The following GTF2IRD1 variants were observed in gnomAD, a reference collection of about 807,000 sequenced individuals.
GTF2IRD1 encodes GTF2I repeat domain containing 1.
Under a neutral mutation model 113.2 loss-of-function variants are expected in GTF2IRD1, and 26 were observed. That is an observed-to-expected ratio of 0.23 (90% CI 0.17 to 0.32). The LOEUF (loss-of-function observed/expected upper bound fraction) is 0.32. Among genes scored for constraint, GTF2IRD1 ranks in the 10% least tolerant of loss-of-function variants. The pLI is 1.00. For synonymous variants in GTF2IRD1, 484 were observed against 529.1 expected, an observed-to-expected ratio of 0.91 and a Z score of 1.17; for missense variants, 864 against 1,280.8, an observed-to-expected ratio of 0.67 and a Z score of 4.97.
chr7:74,462,718 A>C (rs1584448190), intron 1 of GTF2IRD1, among the ~76,000 whole-genome samples: 1 of 151,074 alleles, frequency 6.6e-6, no homozygotes, highest in African/African-American at 2.4e-5. Flanking sequence ...ATCACTACCC[A>C]CCCCCCACAT....
chr7:74,469,502 C>T (rs1463089505), intron 1 of GTF2IRD1, among the ~76,000 whole-genome samples: 8 of 151,966 alleles, frequency 5.3e-5, no homozygotes, highest in Admixed American at 1.3e-4. Flanking sequence ...CTATTCTGGG[C>T]GTTTCTTGTA....
chr7:74,566,664 G>A (rs1800339633), intron 22 of GTF2IRD1, among the ~76,000 whole-genome samples: 1 of 152,138 alleles, frequency 6.6e-6, no homozygotes, highest in Admixed American at 6.6e-5. Context: ...CGATTTGCCG[G>A]TTACAAAGCC....
At position 74,558,880 on chromosome 7, in the gene GTF2IRD1, G is replaced by C; in HGVS notation, c.2127G>C (p.Lys709Asn). 2 of 1,613,346 alleles carry C rather than the reference G, an allele frequency of 1.2e-6. No homozygotes were observed. Among genetic ancestry groups the C allele is most frequent in the Non-Finnish European group, 1.7e-6 (2 of 1,179,624 alleles). Residue 709 changes from lysine (K) to asparagine (N), a missense_variant, in exon 21 of 27, where the codon AAG becomes AAC. By Grantham distance (94) the Lys-to-Asn change is moderately conservative. This residue lies in a region of GTF2IRD1 where 195 missense variants were observed against 359.1 expected (regional missense o/e 0.54). Transcript: ENST00000424337. ...CCACAGGGGAAGCCTTGGGCATCAA[G>C]TACCCGGTCCAGGTCCCCTACAAGC... Reference protein sequence around the residue: ...NKKYGEALGIKYPVQVPYKRI... With the variant: ...NKKYGEALGINYPVQVPYKRI...
intron 1 of GTF2IRD1, among the ~76,000 whole-genome samples, chr7:74,499,020 G>T (rs1440858306): frequency 6.6e-6 from 1 of 152,170 alleles, no homozygotes; most frequent in Non-Finnish European, 1.5e-5. Flanking sequence ...ATGAGCCATC[G>T]CACCCAGCCT....
At chr7:74,535,082 G>C (rs782816632) in intron 9 of GTF2IRD1, 31 bp from the exon 10 acceptor site, 6 of 1,608,286 alleles carry the variant, frequency 3.7e-6, no homozygotes, top group Non-Finnish European at 5.1e-6. Context: ...AGCCTGCACT[G>C]TTCTCATGCC....
At chr7:74,496,580 ATGTGTGTGGG>A in intron 1 of GTF2IRD1, among the ~76,000 whole-genome samples, 1 of 93,380 alleles carries the variant, frequency 1.1e-5, no homozygotes, top group Non-Finnish European at 2.2e-5. Context: ...GTGGGTGTGC[ATGTGTGTGGG>A]TGGGTGTGGG....
At chr7:74,537,245 A>G (rs1402977326) in intron 11 of GTF2IRD1, among the ~76,000 whole-genome samples, 1 of 152,132 alleles carries the variant, frequency 6.6e-6, no homozygotes, top group Non-Finnish European at 1.5e-5. Flanking sequence ...CCCCGTCTCT[A>G]CTAAAAATAC....
chr7:74,600,879 T>G, intron 25 of GTF2IRD1, 165 bp from the exon 26 acceptor site: 1 of 673,150 alleles, frequency 1.5e-6, no homozygotes, highest in Admixed American at 2.8e-5. Flanking sequence ...AGGCTGGACA[T>G]GTGGGCTCTG....
chr7:74,596,898 G>C (rs1802450277), intron 25 of GTF2IRD1, among the ~76,000 whole-genome samples: 1 of 151,782 alleles, frequency 6.6e-6, no homozygotes, highest in Non-Finnish European at 1.5e-5. Flanking sequence ...GGACCAAAAA[G>C]GTTTTTCTAA....
At chr7:74,519,947 G>A (rs1554345567) in intron 6 of GTF2IRD1, among the ~76,000 whole-genome samples, 1 of 151,848 alleles carries the variant, frequency 6.6e-6, no homozygotes, top group East Asian at 1.9e-4. Flanking sequence ...TGGACTAAGA[G>A]GACGCCTGCG....
At position 74,538,132 on chromosome 7, in the gene GTF2IRD1, AC is replaced by A. The variant is rs782708565; in HGVS notation, c.1410-3del. 1.9e-6 allele frequency: 3 copies of A among 1,611,868 alleles called. No individual in the cohort carries two copies. The highest frequency in any genetic ancestry group is 2.5e-6 in the Non-Finnish European group (3 of 1,179,550). On this transcript the variant is annotated splice_polypyrimidine_tract_variant and splice_region_variant and intron_variant, in intron 11 of 26. Transcript: ENST00000424337. ...CAGGTGTCATTTCCTGCTTCCCTTC[AC>A]AGGTCAGACAAGGGCAGCATGTCTG...
intron 22 of GTF2IRD1, among the ~76,000 whole-genome samples, chr7:74,577,128 C>T (rs1801122439): frequency 6.6e-6 from 1 of 151,102 alleles, no homozygotes; most frequent in Non-Finnish European, 1.5e-5. Context: ...AGCTCTGCCT[C>T]CTGAGTTCAA....
intron 5 of GTF2IRD1, among the ~76,000 whole-genome samples, chr7:74,518,639 G>T: frequency 6.6e-6 from 1 of 152,142 alleles, no homozygotes; most frequent in East Asian, 1.9e-4. Context: ...CAGCACTTTG[G>T]GAGGCTGAGG....
chr7:74,514,652 G>A (rs1413011683), intron 3 of GTF2IRD1, among the ~76,000 whole-genome samples: 1 of 152,004 alleles, frequency 6.6e-6, no homozygotes, highest in Non-Finnish European at 1.5e-5. Context: ...TGAACCTGCT[G>A]TTTGCAACCC....
intron 8 of GTF2IRD1, among the ~76,000 whole-genome samples, chr7:74,525,281 G>T (rs587694389): frequency 2.0e-5 from 3 of 152,282 alleles, no homozygotes; most frequent in African/African-American, 7.2e-5. Context: ...CCCCAGCCTG[G>T]GCCAGGTAGG....
chr7:74,462,961 G>A lies in GTF2IRD1; in HGVS notation c.-7+8785G>A, dbSNP rs187436583. On this transcript the variant is annotated intron_variant, in intron 1 of 26. Transcript: ENST00000424337. ...GGAGGTTGAGGGCGGTGCCAGGGAG[G>A]GGAGCTGTCTGTGCCCTGGGGTGTC... is the stretch of plus-strand genomic sequence containing the variant. Among the ~76,000 whole-genome samples, 1,147 of 152,338 alleles carry A rather than the reference G, an allele frequency of 7.5e-3. 43 individuals are homozygous for A. The highest frequency in any genetic ancestry group is 0.069 in the Admixed American group (1,062 of 15,298).
At chr7:74,559,546 C>A (rs1799819538) in intron 21 of GTF2IRD1, 81 bp from the exon 22 acceptor site, 5 of 1,292,000 alleles carry the variant, frequency 3.9e-6, no homozygotes, top group Non-Finnish European at 5.4e-6. Context: ...CCAGGGGAGA[C>A]CGAGGCCACT....
At chr7:74,463,425 G>A (rs543749438) in intron 1 of GTF2IRD1, among the ~76,000 whole-genome samples, 78 of 152,236 alleles carry the variant, frequency 5.1e-4, no homozygotes, top group Non-Finnish European at 5.4e-4. Flanking sequence ...GTAGAGATGG[G>A]GGTCTCGCCA....
At chr7:74,496,329 GGTGTGCATGT>G (rs1269769756) in intron 1 of GTF2IRD1, among the ~76,000 whole-genome samples, 4 of 138,328 alleles carry the variant, frequency 2.9e-5, no homozygotes, top group African/African-American at 1.1e-4. Context: ...TGTGCATGGG[GGTGTGCATGT>G]ATGTGCATGT....
Sources: gnomAD v4.1 joint callset for allele counts (sites outside exome capture counted in the v4.1 genomes callset) on GRCh38, gnomAD v4.1.1 for gene constraint, gnomAD v4.1.1 regional missense constraint, MANE v1.5 for transcripts, NCBI Gene and HGNC (gene_info 2026-07-23, HGNC 2026-07-21) for gene names.